The following PASD1 variants were observed in gnomAD, a reference collection of about 807,000 sequenced individuals.
PASD1 encodes PAS domain containing repressor 1.
In PASD1, 13 loss-of-function variants were observed where a neutral mutation model predicts 58.8. The observed-to-expected ratio is 0.22, with a 90% CI of 0.14 to 0.35. The LOEUF is 0.35. Among genes scored for constraint, PASD1 ranks in the 10% least tolerant of loss-of-function variants. The probability of loss-of-function intolerance (pLI) is 1.00; values close to 1 mark genes in which losing one functional copy is unlikely to be tolerated. For synonymous variants in PASD1, 236 were observed against 216.7 expected (o/e 1.09, Z -0.78); for missense variants, 734 against 568.3 (o/e 1.29, Z -2.96).
intron 10 of PASD1, among the ~76,000 whole-genome samples, chrX:151,660,959 C>G (rs912962600): frequency 1.4e-4 from 16 of 111,650 alleles, no homozygotes; most frequent in Non-Finnish European, 2.4e-4. Context: ...CGAGACCATC[C>G]TGGCTAACAC....
intron 11 of PASD1, among the ~76,000 whole-genome samples, chrX:151,666,958 A>G (rs1444662549): frequency 9.2e-6 from 1 of 109,024 alleles, no homozygotes; most frequent in East Asian, 2.9e-4. Flanking sequence ...AGGAATTGCC[A>G]CACTTTCTTC....
At chrX:151,646,703 C>G (rs192711935) in intron 8 of PASD1, among the ~76,000 whole-genome samples, 2 of 112,302 alleles carry the variant, frequency 1.8e-5, no homozygotes, top group East Asian at 5.6e-4. Flanking sequence ...CCAGCTTGTT[C>G]ATTAAAATAA....
At chrX:151,652,636 G>A in intron 9 of PASD1, among the ~76,000 whole-genome samples, 1 of 111,485 alleles carries the variant, frequency 9.0e-6, no homozygotes, top group East Asian at 2.8e-4. Flanking sequence ...AGGATGAGGA[G>A]GTTTGGGAAT....
At chrX:151,659,295 C>A (rs938000947) in intron 9 of PASD1, among the ~76,000 whole-genome samples, 2 of 111,880 alleles carry the variant, frequency 1.8e-5, no homozygotes, top group African/African-American at 6.5e-5. Context: ...TGTCCCATTT[C>A]TCTGTGAACC....
intron 1 of PASD1, among the ~76,000 whole-genome samples, chrX:151,568,772 A>T (rs2012884286): frequency 8.9e-6 from 1 of 112,024 alleles, no homozygotes; most frequent in South Asian, 3.8e-4. Context: ...GTGAACCTTA[A>T]CATTCAAGGT....
At chrX:151,585,426 C>T (rs1348119189) in intron 1 of PASD1, among the ~76,000 whole-genome samples, 1 of 111,869 alleles carries the variant, frequency 8.9e-6, no homozygotes, top group Non-Finnish European at 1.9e-5. Flanking sequence ...CAGGGGAAGG[C>T]TTTAAGTGGA....
At chrX:151,618,045 T>C (rs1027745309) in intron 4 of PASD1, among the ~76,000 whole-genome samples, 3 of 112,252 alleles carry the variant, frequency 2.7e-5, no homozygotes, top group African/African-American at 9.7e-5. Flanking sequence ...AGTGTTTTTA[T>C]TGAAAAGTTA....
At chrX:151,664,745 C>A (rs2014357808) in intron 11 of PASD1, among the ~76,000 whole-genome samples, 1 of 111,816 alleles carries the variant, frequency 8.9e-6, no homozygotes, top group Non-Finnish European at 1.9e-5. Context: ...TCTGGCCTTC[C>A]CATACCAACC....
chrX:151,611,866 G>A (rs941622253), intron 4 of PASD1, 113 bp downstream of exon 4: 8 of 496,082 alleles, frequency 1.6e-5, no homozygotes, highest in Admixed American at 7.9e-5. Context: ...TGTGCACAAC[G>A]TGCAGGTTTG....
At chrX:151,567,324 A>T (rs985260861) in intron 1 of PASD1, among the ~76,000 whole-genome samples, 2 of 110,873 alleles carry the variant, frequency 1.8e-5, no homozygotes, top group Non-Finnish European at 3.8e-5. Context: ...GAGCACCGGG[A>T]CCAGGAGAAA....
intron 12 of PASD1, 98 bp downstream of exon 12, chrX:151,671,294 C>A: frequency 1.0e-6 from 1 of 979,344 alleles, no homozygotes; most frequent in Non-Finnish European, 1.4e-6. Flanking sequence ...AGGAGTTAGT[C>A]AATGGTGTCT....
chrX:151,601,429 A>G (rs776042513), intron 1 of PASD1, 98 bp from the exon 2 acceptor site: 2 of 571,221 alleles, frequency 3.5e-6, no homozygotes, highest in South Asian at 7.2e-5. Context: ...TTGAGGGAAA[A>G]GTGTTACACA....
Position 151,671,593 on chromosome X carries a change from C to A in PASD1, c.1251C>A (p.Arg417=), listed in dbSNP as rs773105652. 2 of 1,211,110 alleles carry A rather than the reference C, an allele frequency of 1.7e-6. No homozygotes were observed. The change falls in exon 13 of 16, where the codon CGC becomes CGA. Residue 417 remains arginine, a synonymous_variant. Coordinates refer to ENST00000370357, the MANE Select transcript of PASD1 (RefSeq NM_173493.3). ...DHLQKQPNTL[R]HVVIPDLQSS... is the part of the protein sequence containing the mutation. ...TACAGAAGCAGCCAAACACATTACG[C>A]CACGTTGTCATTCCTGATCTCCAAT... is the stretch of plus-strand genomic sequence containing the variant.
chrX:151,568,301 T>C (rs188058749), intron 1 of PASD1, among the ~76,000 whole-genome samples: 1 of 111,924 alleles, frequency 8.9e-6, no homozygotes, highest in East Asian at 2.8e-4. Flanking sequence ...TGATGAGTTT[T>C]TCTTCTGATT....
At chrX:151,620,780 T>A (rs932646394) in intron 4 of PASD1, 150 bp from the exon 5 acceptor site, 1 of 347,679 alleles carries the variant, frequency 2.9e-6, no homozygotes, top group Non-Finnish European at 5.1e-6. Flanking sequence ...ACAACAGGTA[T>A]AACTGTACAT....
At chrX:151,638,749 C>G (rs893807743) in intron 8 of PASD1, among the ~76,000 whole-genome samples, 7 of 111,379 alleles carry the variant, frequency 6.3e-5, no homozygotes, top group African/African-American at 2.0e-4. Flanking sequence ...GGTGACATGT[C>G]TTAAGAATTC....
intron 6 of PASD1, among the ~76,000 whole-genome samples, chrX:151,622,496 G>T (rs1427932996): frequency 9.1e-6 from 1 of 109,547 alleles, no homozygotes; most frequent in Non-Finnish European, 1.9e-5. Flanking sequence ...ATTAACTCAC[G>T]CAAAAGGTGG....
At position 151,667,513 on chromosome X, in the gene PASD1, C is replaced by T. The variant is rs59639759; in HGVS notation, c.1071+3165C>T. Among the ~76,000 whole-genome samples the T allele has an allele frequency of 9.0e-3, 1,009 of 112,085 alleles. 10 individuals are homozygous for T. The highest frequency in any genetic ancestry group is 0.031 in the African/African-American group (958 of 30,846). On this transcript the variant is annotated intron_variant, in intron 11 of 15. Coordinates refer to ENST00000370357, the MANE Select transcript of PASD1 (RefSeq NM_173493.3). ...TTTCTTCTATGGCTTTGTGGTTTTA[C>T]GTCTAACATTTAAGTCTTTAATCCA... is the stretch of plus-strand genomic sequence containing the variant.
intron 1 of PASD1, among the ~76,000 whole-genome samples, chrX:151,568,905 G>A (rs1160556592): frequency 9.0e-6 from 1 of 111,262 alleles, no homozygotes; most frequent in African/African-American, 3.3e-5. Flanking sequence ...GCCATATGCG[G>A]TAGGGAGGCC....
Sources: gnomAD v4.1 joint callset for allele counts (sites outside exome capture counted in the v4.1 genomes callset) on GRCh38, gnomAD v4.1.1 for gene constraint, MANE v1.5 for transcripts, NCBI Gene and HGNC (gene_info 2026-07-23, HGNC 2026-07-21) for gene names.